The following NPHP1 variants were observed in gnomAD, a reference collection of about 807,000 sequenced individuals.
NPHP1 encodes nephrocystin-1.
NPHP1 carries 70 observed loss-of-function variants against 90.4 expected under a neutral mutation model. The observed-to-expected ratio is 0.77, with a 90% CI of 0.64 to 0.95. NPHP1 has a LOEUF of 0.95. Among genes scored for constraint, NPHP1 ranks in the 40% least tolerant of loss-of-function variants. NPHP1 has a pLI of 0.00. For synonymous variants in NPHP1, 256 were observed against 271.7 expected, an observed-to-expected ratio of 0.94 and a Z score of 0.57; for missense variants, 764 against 795.9, an observed-to-expected ratio of 0.96 and a Z score of 0.48.
intron 13 of NPHP1, among the ~76,000 whole-genome samples, chr2:110,147,274 G>A (rs1240423601): frequency 6.6e-6 from 1 of 151,720 alleles, no homozygotes; most frequent in East Asian, 1.9e-4. Flanking sequence ...GGCTTCCTTT[G>A]GGGGGCCTGC....
At chr2:110,195,404 A>C (rs1369705392) in intron 2 of NPHP1, among the ~76,000 whole-genome samples, 1 of 152,136 alleles carries the variant, frequency 6.6e-6, no homozygotes, top group African/African-American at 2.4e-5. Context: ...CCCATTCACA[A>C]TTGCTACAAA....
intron 11 of NPHP1, among the ~76,000 whole-genome samples, chr2:110,157,514 G>A (rs1681997716): frequency 6.6e-6 from 1 of 152,082 alleles, no homozygotes. Context: ...CTCAGCATGT[G>A]CAAAACCAAG....
chr2:110,164,991 T>A, intron 7 of NPHP1, 61 bp downstream of exon 7: 1 of 1,327,792 alleles, frequency 7.5e-7, no homozygotes, highest in Non-Finnish European at 1.1e-6. Flanking sequence ...GTTATAATAA[T>A]AAAAATAAAC....
chr2:110,160,406 T>C (rs1472630722), intron 10 of NPHP1, 151 bp from the exon 11 acceptor site: 17 of 612,370 alleles, frequency 2.8e-5, no homozygotes, highest in Non-Finnish European at 4.9e-5. Flanking sequence ...ACTCTGTTCA[T>C]TGAAAATTAA....
chr2:110,159,543 A>T (rs1167039326), intron 11 of NPHP1, among the ~76,000 whole-genome samples: 1 of 151,894 alleles, frequency 6.6e-6, no homozygotes, highest in Non-Finnish European at 1.5e-5. Flanking sequence ...TATTTCATCA[A>T]TGTTGTCAAA....
intron 2 of NPHP1, among the ~76,000 whole-genome samples, chr2:110,195,092 T>C (rs1490164037): frequency 1.3e-5 from 2 of 152,034 alleles, no homozygotes; most frequent in African/African-American, 4.8e-5. Flanking sequence ...CTTTGAAAAC[T>C]GGCACAAGAC....
chr2:110,181,478 A>G (rs1559092255), intron 2 of NPHP1, among the ~76,000 whole-genome samples: 1 of 152,136 alleles, frequency 6.6e-6, no homozygotes, highest in Non-Finnish European at 1.5e-5. Context: ...CACTGGTGAT[A>G]CTTCCAGGTA....
intron 9 of NPHP1, 36 bp downstream of exon 9, chr2:110,163,012 G>A: frequency 7.0e-7 from 1 of 1,421,708 alleles, no homozygotes; most frequent in Non-Finnish European, 9.9e-7. Flanking sequence ...TGACTGCTTT[G>A]CTGAAAGAGT....
intron 4 of NPHP1, among the ~76,000 whole-genome samples, chr2:110,177,368 A>G (rs1683574448): frequency 6.6e-6 from 1 of 152,142 alleles, no homozygotes; most frequent in African/African-American, 2.4e-5. Context: ...AACAACACTG[A>G]AATAGTCTGA....
At chr2:110,168,959 C>T (rs2104575044) in intron 5 of NPHP1, among the ~76,000 whole-genome samples, 1 of 152,110 alleles carries the variant, frequency 6.6e-6, no homozygotes, top group Middle Eastern at 3.4e-3. Flanking sequence ...ATATCAATTC[C>T]ATTAAAGTTA....
chr2:110,172,460 C>CT (rs1683201979), intron 4 of NPHP1, among the ~76,000 whole-genome samples: 2 of 151,790 alleles, frequency 1.3e-5, no homozygotes, highest in East Asian at 1.9e-4. Flanking sequence ...TGATTTTCAA[C>CT]TTTTTTTTCA....
rs766038702 is a variant in NPHP1, at chr2:110,124,056, TTG to T, written c.1767_1768del (p.Asp589GlufsTer14). ...GAGAAACGTGGACTTCAGGAACTCT[TTG>T]TCTCTCTGGGAAAACACCACCCCCA... On this transcript the variant is annotated frameshift_variant, in exon 20 of 20. Transcript: ENST00000445609. LOFTEE classifies it high-confidence loss of function. The T allele has an allele frequency of 6.2e-7, 1 of 1,614,098 alleles. No homozygotes were observed. Among genetic ancestry groups the T allele is most frequent in the Non-Finnish European group, 8.5e-7 (1 of 1,179,960 alleles).
At position 110,169,967 on chromosome 2, in the gene NPHP1, T is replaced by G. The variant is rs1488046324; in HGVS notation, c.361A>C (p.Ser121Arg). The part of the protein sequence containing the change: ...VGAPTEEEEE[S>R]ESEDSEDSGG... ...CTGTCTTCACTATCTTCACTTTCAC[T>G]TTCTTCCTCTTCTTCAGTAGGTGCC... The change falls in exon 5 of 20, where the codon AGT becomes CGT. Residue 121 changes from serine to arginine, a missense_variant. Ser to Arg is a moderately radical substitution (Grantham distance 110, BLOSUM62 -1). Coordinates refer to ENST00000445609, the MANE Select transcript of NPHP1 (RefSeq NM_001128178.3). The G allele has an allele frequency of 6.2e-7, 1 of 1,611,250 alleles. No individual in the cohort carries two copies. The highest frequency in any genetic ancestry group is 2.2e-5 in the East Asian group (1 of 44,860).
intron 1 of NPHP1, among the ~76,000 whole-genome samples, chr2:110,204,336 TC>T (rs2104726250): frequency 6.6e-6 from 1 of 152,332 alleles, no homozygotes; most frequent in Non-Finnish European, 1.5e-5. Context: ...AAGTTAACAT[TC>T]CTCGTATGTT....
Position 110,125,154 on chromosome 2 carries a change from A to G in NPHP1, c.1761+483T>C, listed in dbSNP as rs1486062823. Reference sequence around the variant, plus strand: ...CCATCTATAGCCCTTCCCATTTGCCAAATCCTGGATGAGAGCAGTCAAACC... The same window carrying G: ...CCATCTATAGCCCTTCCCATTTGCCGAATCCTGGATGAGAGCAGTCAAACC... On this transcript the variant is annotated intron_variant, in intron 19 of 19. Coordinates refer to ENST00000445609, the MANE Select transcript of NPHP1 (RefSeq NM_001128178.3). The G allele has an allele frequency of 4.6e-6, 7 of 1,514,304 alleles. No homozygotes were observed. In the East Asian group the frequency reaches 1.2e-4, roughly 27 times the overall value. The allele number at this position is 1,514,304 out of a possible 1,614,324, so 93.8% of individuals were successfully genotyped here. A position where few individuals can be genotyped will look rare whatever the true frequency, so the allele number is the denominator to read the frequency against.
At chr2:110,141,240 C>T (rs553479893) in intron 16 of NPHP1, among the ~76,000 whole-genome samples, 1 of 152,116 alleles carries the variant, frequency 6.6e-6, no homozygotes, top group Non-Finnish European at 1.5e-5. Flanking sequence ...TTTATGTTTA[C>T]ATTTATCTAT....
chr2:110,142,623 A>G (rs1680729347), intron 16 of NPHP1, among the ~76,000 whole-genome samples: 1 of 152,064 alleles, frequency 6.6e-6, no homozygotes, highest in Non-Finnish European at 1.5e-5. Context: ...AAGTGCTGCA[A>G]TTATAGGTGT....
chr2:110,202,573 G>T, intron 1 of NPHP1: 1 of 316,638 alleles, frequency 3.2e-6, no homozygotes, highest in Non-Finnish European at 6.8e-6. Flanking sequence ...ATTTCTCCAG[G>T]GAGAATAATC....
chr2:110,131,470 T>C (rs1383551766), intron 17 of NPHP1, among the ~76,000 whole-genome samples: 1 of 152,192 alleles, frequency 6.6e-6, no homozygotes, highest in Admixed American at 6.5e-5. Context: ...AATACATATG[T>C]TTGAAAGAAC....
Sources: gnomAD v4.1 joint callset for allele counts (sites outside exome capture counted in the v4.1 genomes callset) on GRCh38, gnomAD v4.1.1 for gene constraint, MANE v1.5 for transcripts, NCBI Gene and HGNC (gene_info 2026-07-23, HGNC 2026-07-21) for gene names.